Variants in DOCK3 observed in about 807,000 individuals in gnomAD.
The protein encoded by DOCK3 is dedicator of cytokinesis protein 3.
In DOCK3, 60 loss-of-function variants were observed where a neutral mutation model predicts 265.6. The ratio of observed to expected loss-of-function variants is 0.23; its 90% confidence interval spans 0.18 to 0.28. The LOEUF (loss-of-function observed/expected upper bound fraction) is 0.28, where lower values mean the gene tolerates loss of function less well. DOCK3 is among the 10% of genes least tolerant of loss of function. DOCK3 has a pLI of 1.00. For missense variants in DOCK3, 1,981 were observed against 2,594.3 expected (o/e 0.76, Z 5.14); for synonymous variants, 881 against 938.0 (o/e 0.94, Z 1.11).
intron 4 of DOCK3, among the ~76,000 whole-genome samples, chr3:50,892,442 C>T (rs62257807): frequency 0.039 from 5,960 of 152,136 alleles, 168 homozygotes; most frequent in Non-Finnish European, 0.06. Context: ...AGAGTAGACA[C>T]GTTGAAATGG....
At chr3:51,064,151 G>T (rs1027320088) in intron 5 of DOCK3, among the ~76,000 whole-genome samples, 4 of 152,106 alleles carry the variant, frequency 2.6e-5, no homozygotes, top group Non-Finnish European at 5.9e-5. Flanking sequence ...GTAACATTCT[G>T]TTCTAAGTTT....
At chr3:50,752,465 C>T (rs945183121) in intron 1 of DOCK3, among the ~76,000 whole-genome samples, 35 of 150,936 alleles carry the variant, frequency 2.3e-4, no homozygotes, top group African/African-American at 6.1e-4. Flanking sequence ...GCTGAGATCA[C>T]GCCACTGCAC....
At position 51,160,608 on chromosome 3, in the gene DOCK3, C is replaced by T; in HGVS notation, c.943C>T (p.Arg315Ter). ...AGGTCCTCCTCACCTGCACTACAGG[C>T]GACCATATGGCTGTGCGGTCCTAAG... is the stretch of plus-strand genomic sequence containing the variant. ...KKGPPHLHYR[R>*]PYGCAVLSIL... The change falls in exon 12 of 53, where the codon CGA (arginine) becomes TGA (stop). Residue 315 changes from arginine to a stop codon, truncating the protein, a stop_gained. Coordinates refer to ENST00000266037, the MANE Select transcript of DOCK3 (RefSeq NM_004947.5). LOFTEE classifies it high-confidence loss of function. 2 of 1,612,986 alleles carry T rather than the reference C, an allele frequency of 1.2e-6. No individual in the cohort carries two copies. Among genetic ancestry groups the T allele is most frequent in the Non-Finnish European group, 1.7e-6 (2 of 1,179,436 alleles).
At chr3:51,354,755 G>T in intron 40 of DOCK3, 127 bp from the exon 41 acceptor site, 1 of 1,431,052 alleles carries the variant, frequency 7.0e-7, no homozygotes, top group East Asian at 2.3e-5. Context: ...CCCTGTGCCT[G>T]TCCCAGGGCC....
chr3:51,339,049 G>A, intron 37 of DOCK3, 21 bp downstream of exon 37: 1 of 1,550,410 alleles, frequency 6.4e-7, no homozygotes, highest in Non-Finnish European at 8.7e-7. Context: ...AGAAGAGAGA[G>A]CCATGCCTGA....
intron 3 of DOCK3, among the ~76,000 whole-genome samples, chr3:50,863,101 C>T (rs1372335568): frequency 6.6e-6 from 1 of 152,158 alleles, no homozygotes; most frequent in Admixed American, 6.5e-5. Flanking sequence ...ACTTCCCCCT[C>T]CCTTATGGGT....
chr3:51,089,848 G>A (rs968284034), intron 8 of DOCK3, among the ~76,000 whole-genome samples: 2 of 139,422 alleles, frequency 1.4e-5, no homozygotes, highest in South Asian at 4.5e-4. Flanking sequence ...GCAGTGAGCC[G>A]AGATCATGCT....
At chr3:51,233,185 T>C (rs190303229) in intron 19 of DOCK3, among the ~76,000 whole-genome samples, 82 of 152,336 alleles carry the variant, frequency 5.4e-4, no homozygotes, top group African/African-American at 1.9e-3. Flanking sequence ...TTGATAGGAA[T>C]AGTGTTGAAT....
chr3:51,011,395 C>T (rs2078944396), intron 5 of DOCK3, among the ~76,000 whole-genome samples: 1 of 152,200 alleles, frequency 6.6e-6, no homozygotes, highest in South Asian at 2.1e-4. Context: ...CACTGATACC[C>T]TTTCTTCCAG....
intron 9 of DOCK3, among the ~76,000 whole-genome samples, chr3:51,127,672 C>T (rs1203897755): frequency 1.3e-5 from 2 of 152,198 alleles, no homozygotes; most frequent in African/African-American, 2.4e-5. Context: ...TTACAGTCCT[C>T]GTTTCTGCAG....
At chr3:51,375,458 G>A (rs2088031641) in intron 50 of DOCK3, among the ~76,000 whole-genome samples, 1 of 152,210 alleles carries the variant, frequency 6.6e-6, no homozygotes, top group African/African-American at 2.4e-5. Flanking sequence ...GATGCTCCCA[G>A]GTAGCTATGT....
intron 1 of DOCK3, among the ~76,000 whole-genome samples, chr3:50,694,778 C>T (rs2035500051): frequency 6.6e-6 from 1 of 152,188 alleles, no homozygotes; most frequent in Non-Finnish European, 1.5e-5. Flanking sequence ...CTCCACTGCA[C>T]TCCAGCCTGG....
At chr3:51,225,506 A>G (rs2108351198) in intron 14 of DOCK3, 143 bp from the exon 15 acceptor site, 1 of 1,297,632 alleles carries the variant, frequency 7.7e-7, no homozygotes, top group Middle Eastern at 2.6e-4. Context: ...TACTGGTAGA[A>G]TGTCCATCAT....
At chr3:51,133,107 G>C (rs2084634211) in intron 9 of DOCK3, among the ~76,000 whole-genome samples, 1 of 152,174 alleles carries the variant, frequency 6.6e-6, no homozygotes, top group Non-Finnish European at 1.5e-5. Context: ...CCCTAGAGGT[G>C]AGGCTGAGAG....
chr3:50,690,585 C>G (rs1318875781), intron 1 of DOCK3, among the ~76,000 whole-genome samples: 1 of 152,146 alleles, frequency 6.6e-6, no homozygotes, highest in Non-Finnish European at 1.5e-5. Context: ...ACCCCCAACC[C>G]CTGGCAACTA....
chr3:51,036,438 G>T (rs1376017479), intron 5 of DOCK3, among the ~76,000 whole-genome samples: 1 of 152,192 alleles, frequency 6.6e-6, no homozygotes, highest in Admixed American at 6.5e-5. Flanking sequence ...CTGACAGTCT[G>T]AGAGATGATT....
intron 22 of DOCK3, among the ~76,000 whole-genome samples, chr3:51,254,513 T>C (rs888249766): frequency 6.6e-5 from 10 of 152,164 alleles, no homozygotes; most frequent in African/African-American, 2.4e-4. Context: ...AGTCTCTTTG[T>C]AGGTCTCTAA....
chr3:51,203,066 G>A (rs2088914149), intron 12 of DOCK3, among the ~76,000 whole-genome samples: 1 of 152,118 alleles, frequency 6.6e-6, no homozygotes, highest in Admixed American at 6.5e-5. Flanking sequence ...ATATCATATT[G>A]AACGGGCAAA....
intron 22 of DOCK3, among the ~76,000 whole-genome samples, chr3:51,251,805 A>C (rs1382251365): frequency 1.3e-5 from 2 of 152,138 alleles, no homozygotes; most frequent in African/African-American, 4.8e-5. Flanking sequence ...CTCCTATTCT[A>C]TAGCTTGCCT....
Sources: gnomAD v4.1 joint callset for allele counts (sites outside exome capture counted in the v4.1 genomes callset) on GRCh38, gnomAD v4.1.1 for gene constraint, MANE v1.5 for transcripts, NCBI Gene and HGNC (gene_info 2026-07-23, HGNC 2026-07-21) for gene names.